TRABD2B: variants seen among roughly 807,000 people sequenced by gnomAD.
TRABD2B encodes the protein metalloprotease TIKI2.
Under a neutral mutation model 40.1 loss-of-function variants are expected in TRABD2B, and 14 were observed. The ratio of observed to expected loss-of-function variants is 0.35; its 90% CI spans 0.23 to 0.55. TRABD2B has a LOEUF of 0.55. Ranked by LOEUF, TRABD2B falls within the 20% of genes least tolerant of loss-of-function variation. The pLI is 0.90. For synonymous variants in TRABD2B, 263 were observed against 277.0 expected, an observed-to-expected ratio of 0.95 and a Z score of 0.50; for missense variants, 541 against 648.6, an observed-to-expected ratio of 0.83 and a Z score of 1.80.
chr1:47,774,769 T>C (rs1644420495), intron 6 of TRABD2B, among the ~76,000 whole-genome samples: 1 of 152,226 alleles, frequency 6.6e-6, no homozygotes, highest in East Asian at 1.9e-4. Flanking sequence ...GGGTGTCGGC[T>C]ACTCACAGCT....
At chr1:47,981,998 C>T (rs541086794) in intron 2 of TRABD2B, among the ~76,000 whole-genome samples, 2 of 152,212 alleles carry the variant, frequency 1.3e-5, no homozygotes, top group African/African-American at 4.8e-5. Context: ...CAGCCTAAAC[C>T]TTTCACTCCC....
Position 47,775,154 on chromosome 1 carries a change from G to A in TRABD2B, c.1349+16C>T, listed in dbSNP as rs992125549. Reference sequence around the variant, plus strand: ...AGACGCCCAGCTCCTGGGCAGACCTGCCCTCCCTGGCTCACCTGTCCTCGA... The same window carrying A: ...AGACGCCCAGCTCCTGGGCAGACCTACCCTCCCTGGCTCACCTGTCCTCGA... On this transcript the variant is annotated intron_variant, in intron 6 of 6. Coordinates refer to ENST00000606738, the MANE Select transcript of TRABD2B (RefSeq NM_001194986.2). The A allele has an allele frequency of 2.5e-5, 31 of 1,233,440 alleles. No individual in the cohort carries two copies. The highest frequency in any genetic ancestry group is 3.0e-5 in the Non-Finnish European group (30 of 988,536). The allele number at this position is 1,233,440 out of a possible 1,614,324, so 76.4% of individuals were successfully genotyped here. A position where few individuals can be genotyped will look rare whatever the true frequency, so the allele number is the denominator to read the frequency against.
In TRABD2B at chr1:47,775,432, G is replaced by C; in HGVS notation, c.1087C>G (p.Pro363Ala). 3 of 1,235,100 alleles carry C rather than the reference G, an allele frequency of 2.4e-6. No homozygotes were observed. The highest frequency in any genetic ancestry group is 3.0e-6 in the Non-Finnish European group (3 of 988,594). The allele number at this position is 1,235,100 out of a possible 1,614,324, so 76.5% of individuals were successfully genotyped here. A position where few individuals can be genotyped will look rare whatever the true frequency, so the allele number is the denominator to read the frequency against. Reference sequence around the variant, plus strand: ...TCAGGAGAGGGCGCTGGGCTCTGGGGGGCAGGGCTGGAAAGAGGTAATGGC... The same window carrying C: ...TCAGGAGAGGGCGCTGGGCTCTGGGCGGCAGGGCTGGAAAGAGGTAATGGC... ...PAGQAIHSPA[P>A]QSPAPSPEGT... Residue 363 changes from proline (P) to alanine (A), a missense_variant, in exon 6 of 7, where the codon CCC (proline) becomes GCC (alanine). By Grantham distance (27) the Pro-to-Ala change is conservative. Transcript: ENST00000606738.
intron 2 of TRABD2B, among the ~76,000 whole-genome samples, chr1:47,936,121 G>A (rs1248042699): frequency 6.6e-6 from 1 of 152,228 alleles, no homozygotes; most frequent in Non-Finnish European, 1.5e-5. Flanking sequence ...TCTCTCAAAT[G>A]AGGTCAGGCA....
In TRABD2B at chr1:47,858,403, A is replaced by G. The variant is rs372761018; in HGVS notation, c.667-56784T>C. 1.2e-3 allele frequency among the ~76,000 whole-genome samples: 181 copies of G among 152,178 alleles called. 1 individual carries two copies. Among genetic ancestry groups the G allele is most frequent in the African/African-American group, 3.9e-3 (160 of 41,516 alleles). Reference sequence around the variant, plus strand: ...CTCTTGAGTAGCTGGGACTACAGGCATGTGCCACCATGACTGGCTAATTTT... The same window carrying G: ...CTCTTGAGTAGCTGGGACTACAGGCGTGTGCCACCATGACTGGCTAATTTT... On this transcript the variant is annotated intron_variant, in intron 2 of 6. Coordinates refer to ENST00000606738, the MANE Select transcript of TRABD2B (RefSeq NM_001194986.2).
At chr1:47,816,142 C>G (rs532943761) in intron 2 of TRABD2B, among the ~76,000 whole-genome samples, 2 of 152,250 alleles carry the variant, frequency 1.3e-5, no homozygotes, top group African/African-American at 4.8e-5. Context: ...CCCTCTCTCT[C>G]TTTTACTTTT....
At chr1:47,962,866 C>A (rs1383967827) in intron 2 of TRABD2B, among the ~76,000 whole-genome samples, 1 of 152,162 alleles carries the variant, frequency 6.6e-6, no homozygotes, top group Admixed American at 6.5e-5. Context: ...GAGGACAAGC[C>A]ATGTATTGAG....
chr1:47,857,055 C>T (rs1026827587), intron 2 of TRABD2B, among the ~76,000 whole-genome samples: 6 of 152,240 alleles, frequency 3.9e-5, no homozygotes, highest in East Asian at 3.9e-4. Context: ...GCACTGCCTT[C>T]GGTCCTTGAG....
intron 2 of TRABD2B, among the ~76,000 whole-genome samples, chr1:47,849,432 G>A (rs1323784541): frequency 1.3e-5 from 2 of 152,220 alleles, no homozygotes; most frequent in Admixed American, 1.3e-4. Flanking sequence ...CTGTGAGGAA[G>A]TACATTCCTG....
intron 4 of TRABD2B, 84 bp downstream of exon 4, chr1:47,794,502 C>A: frequency 7.2e-7 from 1 of 1,383,954 alleles, no homozygotes; most frequent in Non-Finnish European, 9.5e-7. Flanking sequence ...CTCGACTTCT[C>A]CCTCGATGAA....
chr1:47,842,329 C>T (rs906482689), intron 2 of TRABD2B, among the ~76,000 whole-genome samples: 2 of 152,154 alleles, frequency 1.3e-5, no homozygotes, highest in African/African-American at 4.8e-5. Flanking sequence ...TGACCACCCC[C>T]AGGGCTCAGG....
chr1:47,948,281 G>A (rs145319062), intron 2 of TRABD2B, among the ~76,000 whole-genome samples: 18 of 152,248 alleles, frequency 1.2e-4, no homozygotes, highest in Non-Finnish European at 2.2e-4. Flanking sequence ...TTTAGGGGGA[G>A]CAGACAGACC....
chr1:47,854,146 A>G (rs1183031025), intron 2 of TRABD2B, among the ~76,000 whole-genome samples: 1 of 152,178 alleles, frequency 6.6e-6, no homozygotes, highest in Non-Finnish European at 1.5e-5. Flanking sequence ...GGCCACTTCA[A>G]TTTCTGAACC....
rs532618452 is a variant in TRABD2B, at chr1:47,960,732, A to G, written c.666+33302T>C. ...AAAGAGGACCCAAACAAACAGAAGA[A>G]CATTCCACGCTCATGGATAGGAAGA... On this transcript the variant is annotated intron_variant, in intron 2 of 6. Coordinates refer to ENST00000606738, the MANE Select transcript of TRABD2B (RefSeq NM_001194986.2). Among the ~76,000 whole-genome samples, 7 of 152,308 alleles carry G rather than the reference A, an allele frequency of 4.6e-5. No individual in the cohort carries two copies. The South Asian group carries it at 1.5e-3, about 32-fold the overall frequency.
chr1:47,881,067 G>C (rs1487496861), intron 2 of TRABD2B, among the ~76,000 whole-genome samples: 2 of 152,282 alleles, frequency 1.3e-5, no homozygotes, highest in Non-Finnish European at 2.9e-5. Context: ...TGTTTCAGTG[G>C]CTACAGACTA....
chr1:47,921,775 C>A (rs1368729227), intron 2 of TRABD2B, among the ~76,000 whole-genome samples: 1 of 152,114 alleles, frequency 6.6e-6, no homozygotes, highest in Non-Finnish European at 1.5e-5. Flanking sequence ...AGACTCTGGC[C>A]GTCACCCTTG....
chr1:47,796,041 C>A (rs1294279011), intron 3 of TRABD2B, among the ~76,000 whole-genome samples: 2 of 152,166 alleles, frequency 1.3e-5, no homozygotes, highest in African/African-American at 4.8e-5. Context: ...TACCCAGATT[C>A]CTTGAACCTT....
chr1:47,788,855 C>G (rs1257812972), intron 4 of TRABD2B, among the ~76,000 whole-genome samples: 2 of 152,158 alleles, frequency 1.3e-5, no homozygotes, highest in Admixed American at 1.3e-4. Flanking sequence ...ACCCCTGAGT[C>G]CGGCTCATGT....
chr1:47,846,354 A>C (rs188289762), intron 2 of TRABD2B, among the ~76,000 whole-genome samples: 1 of 152,346 alleles, frequency 6.6e-6, no homozygotes, highest in African/African-American at 2.4e-5. Context: ...TCATCTGTGA[A>C]ATGAGCTAGA....
Sources: gnomAD v4.1 joint callset for allele counts (sites outside exome capture counted in the v4.1 genomes callset) on GRCh38, gnomAD v4.1.1 for gene constraint, MANE v1.5 for transcripts, NCBI Gene and HGNC (gene_info 2026-07-23, HGNC 2026-07-21) for gene names.